SRD5A2: variants seen among roughly 807,000 people sequenced by gnomAD.
The protein encoded by SRD5A2 is steroid 5 alpha-reductase 2, also known as 3-oxo-5-alpha-steroid 4-dehydrogenase 2.
A neutral mutation model predicts 27.4 loss-of-function variants in SRD5A2; 30 were observed. That is an observed-to-expected ratio of 1.10 (90% confidence interval 0.82 to 1.49). The LOEUF (loss-of-function observed/expected upper bound fraction) is 1.49. SRD5A2 is among the 40% of genes most tolerant of loss of function. SRD5A2 has a pLI of 0.00. For synonymous variants in SRD5A2, 141 were observed against 133.6 expected (o/e 1.06, Z -0.38); for missense variants, 348 against 323.4 (o/e 1.08, Z -0.58).
the SRD5A2 span, among the ~76,000 whole-genome samples, chr2:31,658,842 G>A: frequency 6.6e-6 from 1 of 152,204 alleles, no homozygotes; most frequent in Non-Finnish European, 1.5e-5. Context: ...AAATTGAGGA[G>A]AGGCTCTTCC....
At chr2:31,651,585 G>A in the SRD5A2 span, 1 of 159,670 alleles carries the variant, frequency 6.3e-6, no homozygotes, top group African/African-American at 2.4e-5. Context: ...ATCTAGGATG[G>A]ATCAGCTTAA....
At chr2:31,585,929 G>C (rs1361536121), upstream of SRD5A2, among the ~76,000 whole-genome samples, 1 of 152,190 alleles carries the variant, frequency 6.6e-6, no homozygotes, top group East Asian at 1.9e-4. Context: ...AGTACTTCTT[G>C]TGGGCTGTGG....
chr2:31,563,252 A>T (rs1017927979), intron 1 of SRD5A2: 2 of 152,274 alleles, frequency 1.3e-5, no homozygotes, highest in Middle Eastern at 3.4e-3. Flanking sequence ...AGTAGAGGTC[A>T]CTAAAACCAA....
At chr2:31,622,924 C>T in the SRD5A2 span, among the ~76,000 whole-genome samples, 1 of 152,104 alleles carries the variant, frequency 6.6e-6, no homozygotes, top group African/African-American at 2.4e-5. Context: ...TTTATTTTCA[C>T]TCAGCTCCTG....
chr2:31,642,314 AT>A, the SRD5A2 span, among the ~76,000 whole-genome samples: 3 of 152,012 alleles, frequency 2.0e-5, no homozygotes, highest in Non-Finnish European at 2.9e-5. Flanking sequence ...ATAGGAGACA[AT>A]TTTTTTGACC....
intron 1 of SRD5A2, chr2:31,563,235 G>C (rs552533400): frequency 2.0e-5 from 3 of 152,164 alleles, no homozygotes; most frequent in Non-Finnish European, 2.9e-5. Flanking sequence ...ACATGACATT[G>C]AGTACAAGTA....
chr2:31,592,507 A>T, the SRD5A2 span, among the ~76,000 whole-genome samples: 1 of 152,210 alleles, frequency 6.6e-6, no homozygotes, highest in Non-Finnish European at 1.5e-5. Flanking sequence ...AGAGACCTGA[A>T]GCTGGATCAC....
At chr2:31,532,479 C>T (rs1175565607) in intron 2 of SRD5A2, among the ~76,000 whole-genome samples, 2 of 152,004 alleles carry the variant, frequency 1.3e-5, no homozygotes, top group African/African-American at 4.8e-5. Context: ...CTGGAGGTGT[C>T]TCCACATGCA....
chr2:31,634,171 T>G, the SRD5A2 span, among the ~76,000 whole-genome samples: 1 of 152,064 alleles, frequency 6.6e-6, no homozygotes, highest in Non-Finnish European at 1.5e-5. Flanking sequence ...AAAAAAAATT[T>G]AATGGAAGTG....
intron 1 of SRD5A2, among the ~76,000 whole-genome samples, chr2:31,575,520 A>G (rs1666940175): frequency 2.6e-5 from 4 of 152,224 alleles, no homozygotes; most frequent in Admixed American, 2.6e-4. Context: ...AGACTCAGAC[A>G]AGGCTTCTTG....
the SRD5A2 span, among the ~76,000 whole-genome samples, chr2:31,593,030 T>C: frequency 6.6e-6 from 1 of 152,076 alleles, no homozygotes; most frequent in East Asian, 1.9e-4. Context: ...AAACACTGCA[T>C]GTTCTCACTC....
chr2:31,595,328 A>G, the SRD5A2 span, among the ~76,000 whole-genome samples: 2 of 152,220 alleles, frequency 1.3e-5, no homozygotes, highest in African/African-American at 4.8e-5. Context: ...CAAGAAAAGA[A>G]GAGAGAAGAT....
intron 1 of SRD5A2, among the ~76,000 whole-genome samples, chr2:31,565,202 A>G (rs1240256887): frequency 1.3e-5 from 2 of 151,972 alleles, no homozygotes. Context: ...CAAAAGAGTT[A>G]TAATGAATAA....
chr2:31,537,080 C>G (rs1180127470), intron 1 of SRD5A2, among the ~76,000 whole-genome samples: 1 of 152,188 alleles, frequency 6.6e-6, no homozygotes, highest in Admixed American at 6.5e-5. Flanking sequence ...CATAGACCAA[C>G]TCATATTTAA....
chr2:31,618,495 C>A, the SRD5A2 span, among the ~76,000 whole-genome samples: 1,237 of 152,108 alleles, frequency 8.1e-3, 18 homozygotes, highest in Non-Finnish European at 0.012. Flanking sequence ...TAAACAGCTT[C>A]TAAAAAGAAA....
chr2:31,573,823 C>T (rs1444640353), intron 1 of SRD5A2, among the ~76,000 whole-genome samples: 1 of 152,198 alleles, frequency 6.6e-6, no homozygotes, highest in East Asian at 1.9e-4. Flanking sequence ...CTAATTATTT[C>T]TGAGGTACTG....
intron 1 of SRD5A2, among the ~76,000 whole-genome samples, chr2:31,575,215 C>T (rs964015206): frequency 1.3e-5 from 2 of 152,046 alleles, no homozygotes; most frequent in African/African-American, 4.8e-5. Context: ...TGAGTAGTTT[C>T]CTTAGCAAGG....
At chr2:31,569,331 A>G (rs1371348147) in intron 1 of SRD5A2, among the ~76,000 whole-genome samples, 2 of 152,216 alleles carry the variant, frequency 1.3e-5, no homozygotes, top group Admixed American at 6.5e-5. Context: ...CTATCAAACC[A>G]TTTTCCAAAG....
At chr2:31,654,427 G>A in the SRD5A2 span, among the ~76,000 whole-genome samples, 1 of 152,168 alleles carries the variant, frequency 6.6e-6, no homozygotes, top group Non-Finnish European at 1.5e-5. Context: ...ATTTAGTTCA[G>A]AGTTGTCAGA....
Sources: allele counts gnomAD v4.1 joint callset (sites outside exome capture counted in the v4.1 genomes callset), GRCh38; gene constraint gnomAD v4.1.1; transcripts MANE v1.5; gene names NCBI Gene and HGNC (gene_info 2026-07-23, HGNC 2026-07-21).